ACSBG2: variants seen among roughly 807,000 people sequenced by gnomAD.
ACSBG2 encodes the protein long-chain-fatty-acid--CoA ligase ACSBG2.
A neutral mutation model predicts 74.7 loss-of-function variants in ACSBG2; 62 were observed. The ratio of observed to expected loss-of-function variants is 0.83; its 90% CI spans 0.68 to 1.03. ACSBG2 has a LOEUF of 1.03. Among genes scored for constraint, ACSBG2 ranks in the 50% least tolerant of loss-of-function variants. The probability of loss-of-function intolerance (pLI) is 0.00; values close to 1 mark genes in which losing one functional copy is unlikely to be tolerated. For synonymous variants in ACSBG2, 309 were observed against 294.1 expected (o/e 1.05, Z -0.52); for missense variants, 730 against 817.6 (o/e 0.89, Z 1.31).
chr19:6,186,231 A>G (rs2090403139), intron 11 of ACSBG2, among the ~76,000 whole-genome samples: 1 of 152,154 alleles, frequency 6.6e-6, no homozygotes, highest in African/African-American at 2.4e-5. Context: ...TTTAGTAAAT[A>G]TTTTTGGGTT....
Position 6,177,404 on chromosome 19 carries a change from T to G in ACSBG2, c.906+8T>G, listed in dbSNP as rs374402561. The G allele has an allele frequency of 3.2e-6, 5 of 1,581,730 alleles. No homozygotes were observed. The African/African-American group carries it at 6.8e-5, about 21-fold the overall frequency. On this transcript the variant is annotated splice_region_variant and intron_variant, in intron 8 of 14. Coordinates refer to ENST00000588485, the MANE Select transcript of ACSBG2 (RefSeq NM_030924.5). Reference sequence around the variant, plus strand: ...CAAGCAGATGCTCTCAAGGTAAGATTGAGTAAGGACCTGGGGCTCCGACTT... The same window carrying G: ...CAAGCAGATGCTCTCAAGGTAAGATGGAGTAAGGACCTGGGGCTCCGACTT...
At chr19:6,191,835 C>A (rs1472764806) in intron 14 of ACSBG2, 1 of 152,092 alleles carries the variant, frequency 6.6e-6, no homozygotes, top group Non-Finnish European at 1.5e-5. Flanking sequence ...TTGTTGATGT[C>A]TTGTGGGTGG....
chr19:6,168,805 G>A (rs2145164685), intron 7 of ACSBG2, among the ~76,000 whole-genome samples: 1 of 152,126 alleles, frequency 6.6e-6, no homozygotes, highest in African/African-American at 2.4e-5. Context: ...TTGAAACAGA[G>A]TCTTGCTCTG....
intron 8 of ACSBG2, among the ~76,000 whole-genome samples, chr19:6,181,197 C>T (rs1019727415): frequency 3.7e-4 from 47 of 128,392 alleles, no homozygotes; most frequent in African/African-American, 1.3e-3. Flanking sequence ...GGACTCCAAC[C>T]GGGGCAACAG....
At chr19:6,141,431 T>A (rs1412306057) in intron 1 of ACSBG2, 82 bp from the exon 2 acceptor site, 2 of 726,066 alleles carry the variant, frequency 2.8e-6, no homozygotes, top group Non-Finnish European at 5.0e-6. Flanking sequence ...TAGGCAGACA[T>A]GACCAGTGGA....
At chr19:6,147,246 A>T (rs1334574207) in intron 2 of ACSBG2, among the ~76,000 whole-genome samples, 200 bp from the exon 3 acceptor site, 2 of 152,200 alleles carry the variant, frequency 1.3e-5, no homozygotes, top group African/African-American at 4.8e-5. Flanking sequence ...TGACTATTAA[A>T]ATTTGGCGGG....
At chr19:6,190,325 G>C (rs1304151640) in intron 13 of ACSBG2, 3 of 427,174 alleles carry the variant, frequency 7.0e-6, no homozygotes, top group Admixed American at 7.0e-5. Flanking sequence ...CTCCTCCATT[G>C]GGTGCACAGT....
chr19:6,162,090 A>T (rs138660898), intron 6 of ACSBG2, among the ~76,000 whole-genome samples: 1,609 of 152,112 alleles, frequency 0.011, 31 homozygotes, highest in African/African-American at 0.037. Flanking sequence ...ACATGGTGAA[A>T]CACCGTCTCT....
At chr19:6,149,503 ACTT>A (rs2089158845) in intron 3 of ACSBG2, among the ~76,000 whole-genome samples, 1 of 118,240 alleles carries the variant, frequency 8.5e-6, no homozygotes, top group East Asian at 2.5e-4. Context: ...TACATGTGCA[ACTT>A]TTTTTTTTTT....
At chr19:6,182,953 G>T in intron 9 of ACSBG2, 21 bp downstream of exon 9, 1 of 1,613,212 alleles carries the variant, frequency 6.2e-7, no homozygotes, top group Non-Finnish European at 8.5e-7. Context: ...CATCCAGAGG[G>T]CTGGGAGGGT....
chr19:6,147,138 C>A (rs1383433295), intron 2 of ACSBG2, among the ~76,000 whole-genome samples: 2 of 151,850 alleles, frequency 1.3e-5, no homozygotes, highest in Admixed American at 1.3e-4. Context: ...ATGGACATAA[C>A]AAAGACAGCA....
intron 13 of ACSBG2, chr19:6,190,184 A>G: frequency 5.1e-6 from 1 of 195,126 alleles, no homozygotes; most frequent in South Asian, 1.0e-4. Context: ...CAGGGAGCAG[A>G]CAACTCCCAG....
At chr19:6,182,398 T>C (rs77217365) in intron 8 of ACSBG2, among the ~76,000 whole-genome samples, 4,491 of 152,286 alleles carry the variant, frequency 0.029, 90 homozygotes, top group South Asian at 0.056. Context: ...CAAAACAGTG[T>C]TGCAAAGAAC....
chr19:6,168,775 C>A (rs1445294866), intron 7 of ACSBG2, among the ~76,000 whole-genome samples: 1 of 151,942 alleles, frequency 6.6e-6, no homozygotes, highest in African/African-American at 2.4e-5. Context: ...AATATTAGTC[C>A]TTTTTTATTT....
At chr19:6,185,050 G>T (rs1357020726) in intron 10 of ACSBG2, among the ~76,000 whole-genome samples, 1 of 151,886 alleles carries the variant, frequency 6.6e-6, no homozygotes, top group East Asian at 1.9e-4. Flanking sequence ...AGCCTCCCAA[G>T]TAGCTGGGAC....
At chr19:6,167,987 C>CCG (rs2089859775) in intron 7 of ACSBG2, among the ~76,000 whole-genome samples, 3 of 150,446 alleles carry the variant, frequency 2.0e-5, no homozygotes, top group African/African-American at 7.4e-5. Flanking sequence ...ACCCCCACCC[C>CCG]CAGTCTATCC....
rs2090227715 is a variant in ACSBG2, at chr19:6,180,945, C to T, written c.907-1806C>T. Among the ~76,000 whole-genome samples, 1 of 151,608 alleles carries T rather than the reference C, an allele frequency of 6.6e-6. No homozygotes were observed. The highest frequency in any genetic ancestry group is 6.6e-5 in the Admixed American group (1 of 15,222). On this transcript the variant is annotated intron_variant, in intron 8 of 14. Transcript: ENST00000588485. The surrounding 1 kb of genome is among the most constrained non-coding windows in gnomAD (Gnocchi z 4.3). ...AGGCACGGCGGCTCACGCCTGTAAT[C>T]CCAGTACTTTGGGAGGCCAAGGCAG...
intron 2 of ACSBG2, 32 bp downstream of exon 2, chr19:6,141,642 G>C (rs1389701070): frequency 1.5e-6 from 2 of 1,348,342 alleles, no homozygotes; most frequent in Non-Finnish European, 2.1e-6. Context: ...GTGGGAGAGA[G>C]AGTGGCACAT....
At chr19:6,156,168 GC>G (rs761003500) in intron 4 of ACSBG2, among the ~76,000 whole-genome samples, 2 of 152,052 alleles carry the variant, frequency 1.3e-5, no homozygotes, top group Non-Finnish European at 2.9e-5. Flanking sequence ...TCACTGCTGG[GC>G]CCCTGTTTTT....
Sources: gnomAD v4.1 joint callset for allele counts (sites outside exome capture counted in the v4.1 genomes callset) on GRCh38, gnomAD v4.1.1 for gene constraint, Gnocchi (gnomAD v3.1) non-coding constraint, MANE v1.5 for transcripts, NCBI Gene and HGNC (gene_info 2026-07-23, HGNC 2026-07-21) for gene names.